The following POLB variants were observed in gnomAD, a reference collection of about 807,000 sequenced individuals.
POLB encodes the protein 5'-dRP lyase.
In POLB, 37 loss-of-function variants were observed where a neutral mutation model predicts 52.7. The ratio of observed to expected loss-of-function variants is 0.70; its 90% CI spans 0.54 to 0.92. The LOEUF (loss-of-function observed/expected upper bound fraction) is 0.92, where lower values mean the gene tolerates loss of function less well. Among genes scored for constraint, POLB ranks in the 40% least tolerant of loss-of-function variants. The pLI is 0.00. For missense variants in POLB, 313 were observed against 400.8 expected, an observed-to-expected ratio of 0.78 and a Z score of 1.87; for synonymous variants, 138 against 131.3, an observed-to-expected ratio of 1.05 and a Z score of -0.35.
At chr8:42,355,601 T>C (rs1274578503) in intron 7 of POLB, 34 bp downstream of exon 7, 2 of 1,389,300 alleles carry the variant, frequency 1.4e-6, no homozygotes, top group Non-Finnish European at 2.0e-6. Context: ...ACACTTGAGA[T>C]ATAAAAGTAA....
At chr8:42,346,932 G>A (rs543625156) in intron 3 of POLB, among the ~76,000 whole-genome samples, 1 of 152,054 alleles carries the variant, frequency 6.6e-6, no homozygotes, top group Non-Finnish European at 1.5e-5. Flanking sequence ...AAATACATTA[G>A]ACTTTAATTC....
intron 3 of POLB, among the ~76,000 whole-genome samples, chr8:42,346,804 C>A (rs1822645354): frequency 6.6e-6 from 1 of 152,210 alleles, no homozygotes; most frequent in Non-Finnish European, 1.5e-5. Flanking sequence ...CACATCTTAA[C>A]CTTGACTTCG....
At chr8:42,362,755 C>T in intron 11 of POLB, 57 bp downstream of exon 11, 1 of 866,480 alleles carries the variant, frequency 1.2e-6, no homozygotes, top group South Asian at 1.4e-5. Context: ...TGTTCAGTAG[C>T]CATTCTGAGT....
intron 3 of POLB, among the ~76,000 whole-genome samples, chr8:42,346,737 C>T (rs1442703104): frequency 6.6e-6 from 1 of 152,050 alleles, no homozygotes; most frequent in African/African-American, 2.4e-5. Context: ...CATAACATTA[C>T]CATAAATCTT....
intron 5 of POLB, among the ~76,000 whole-genome samples, chr8:42,351,049 A>G (rs1056116866): frequency 2.6e-5 from 4 of 152,056 alleles, no homozygotes; most frequent in African/African-American, 7.2e-5. Context: ...CAATTTTTGT[A>G]TCTTTTGTAG....
rs3136720 is a variant in POLB at position 42,340,994 on chromosome 8, A to G, written c.119+1925A>G. Among the ~76,000 whole-genome samples, 570 of 152,272 alleles carry G rather than the reference A, an allele frequency of 3.7e-3. 2 individuals are homozygous for G. The highest frequency in any genetic ancestry group is 6.1e-3 in the Non-Finnish European group (417 of 68,010). On this transcript the variant is annotated intron_variant, in intron 2 of 13. Coordinates refer to ENST00000265421, the MANE Select transcript of POLB (RefSeq NM_002690.3). Reference sequence around the variant, plus strand: ...CAGTCTAGACAAATAAAATGTGCCAAAGCATTGAGACATGAAGGGTATAAC... The same window carrying G: ...CAGTCTAGACAAATAAAATGTGCCAGAGCATTGAGACATGAAGGGTATAAC...
intron 2 of POLB, among the ~76,000 whole-genome samples, chr8:42,343,914 A>C (rs1433575608): frequency 6.6e-6 from 1 of 151,980 alleles, no homozygotes; most frequent in Non-Finnish European, 1.5e-5. Context: ...GCAGATCACA[A>C]GGTCAGGAGT....
intron 3 of POLB, 42 bp from the exon 4 acceptor site, chr8:42,348,974 A>C: frequency 9.2e-7 from 1 of 1,084,698 alleles, no homozygotes; most frequent in Non-Finnish European, 1.4e-6. Flanking sequence ...TTTGGTAAGC[A>C]TTATATTCAT....
At chr8:42,338,724 C>T in intron 1 of POLB, 39 bp downstream of exon 1, 3 of 1,564,324 alleles carry the variant, frequency 1.9e-6, no homozygotes, top group African/African-American at 1.3e-5. Context: ...TTCTTCTTTC[C>T]TTCCAGCCTC....
At chr8:42,368,501 CT>C (rs1392007781) in intron 11 of POLB, among the ~76,000 whole-genome samples, 1 of 152,090 alleles carries the variant, frequency 6.6e-6, no homozygotes, top group Non-Finnish European at 1.5e-5. Flanking sequence ...GCATTTGATA[CT>C]TTTAATTGGA....
chr8:42,363,128 A>T (rs1172289374), intron 11 of POLB, among the ~76,000 whole-genome samples: 2 of 152,044 alleles, frequency 1.3e-5, no homozygotes, highest in Admixed American at 1.3e-4. Context: ...CGCCAAAAAA[A>T]AAAAAAGAAA....
rs1347932370 is a variant in POLB, at chr8:42,362,689, A to G, written c.699A>G (p.Thr233=). ...FITDTLSKGE[T]KFMGVCQLPS... ...CAGATACCCTGTCAAAGGGTGAGACAAAGTTCATGGTAAGTACTTGTTAGA... is the reference window on the plus strand; with the variant it reads ...CAGATACCCTGTCAAAGGGTGAGACGAAGTTCATGGTAAGTACTTGTTAGA... Residue 233 remains threonine (T), a synonymous_variant, in exon 11 of 14, where the codon ACA becomes ACG. Coordinates refer to ENST00000265421, the MANE Select transcript of POLB (RefSeq NM_002690.3). 1.3e-6 allele frequency: 2 copies of G among 1,589,112 alleles called. No homozygotes were observed. The highest frequency in any genetic ancestry group is 2.2e-5 in the South Asian group (2 of 90,332).
At position 42,338,508 on chromosome 8, in the gene POLB, C is replaced by A. The variant is rs1230306464; in HGVS notation, c.-117C>A. ...CGGGGGCAACCATTGTTCCGCCGGT[C>A]GCGCCGGAGCTGGGTTGCTCCTGCT... On this transcript the variant is annotated 5_prime_UTR_variant, in exon 1 of 14. Transcript: ENST00000265421. 6 of 867,854 alleles carry A rather than the reference C, an allele frequency of 6.9e-6. No homozygotes were observed. Among genetic ancestry groups the A allele is most frequent in the South Asian group, 1.4e-5 (1 of 72,012 alleles). 53.8% of individuals were successfully genotyped at this position (867,854 alleles called of 1,614,324 possible). A position where few individuals can be genotyped will look rare whatever the true frequency, so the allele number is the denominator to read the frequency against.
chr8:42,346,992 C>T (rs1212481634), intron 3 of POLB, among the ~76,000 whole-genome samples: 2 of 152,088 alleles, frequency 1.3e-5, no homozygotes, highest in Non-Finnish European at 2.9e-5. Context: ...AGGAACTACT[C>T]CTGCTTCCAT....
At chr8:42,357,667 G>C (rs1353449360) in intron 9 of POLB, 3 of 329,636 alleles carry the variant, frequency 9.1e-6, no homozygotes, top group Non-Finnish European at 1.6e-5. Context: ...GGTTGTCTTT[G>C]GCCTTTTGGC....
At chr8:42,361,128 T>C (rs778644277) in intron 9 of POLB, 167 bp from the exon 10 acceptor site, 85 of 699,110 alleles carry the variant, frequency 1.2e-4, no homozygotes, top group Non-Finnish European at 2.0e-4. Flanking sequence ...ACCTGAATAG[T>C]TGGACAGAAA....
intron 5 of POLB, among the ~76,000 whole-genome samples, chr8:42,351,979 C>T (rs572038142): frequency 2.0e-5 from 3 of 152,260 alleles, no homozygotes; most frequent in African/African-American, 4.8e-5. Context: ...TTTCCCGAAA[C>T]GTTTTTCTCT....
At chr8:42,370,416 G>C (rs1824311153) in intron 13 of POLB, among the ~76,000 whole-genome samples, 1 of 152,060 alleles carries the variant, frequency 6.6e-6, no homozygotes, top group African/African-American at 2.4e-5. Flanking sequence ...AAGGATTGCT[G>C]AATCTATGCT....
chr8:42,357,675 G>GGC (rs1011836707), intron 9 of POLB: 51 of 321,348 alleles, frequency 1.6e-4, no homozygotes, highest in African/African-American at 9.0e-4. Flanking sequence ...TTGGCCTTTT[G>GGC]GCTGGATGAT....
Sources: allele counts gnomAD v4.1 joint callset (sites outside exome capture counted in the v4.1 genomes callset), GRCh38; gene constraint gnomAD v4.1.1; transcripts MANE v1.5; gene names NCBI Gene and HGNC (gene_info 2026-07-23, HGNC 2026-07-21).